Variants in ABITRAM observed in about 807,000 individuals in gnomAD.
ABITRAM encodes the protein protein Abitram.
Under a neutral mutation model 22.9 loss-of-function variants are expected in ABITRAM, and 19 were observed. The ratio of observed to expected loss-of-function variants is 0.83; its 90% CI spans 0.58 to 1.22. The LOEUF (loss-of-function observed/expected upper bound fraction) is 1.22. Ranked by LOEUF, ABITRAM falls within the 50% of genes most tolerant of loss-of-function variation. The pLI is 0.00. For synonymous variants in ABITRAM, 70 were observed against 73.9 expected, an observed-to-expected ratio of 0.95 and a Z score of 0.27; for missense variants, 215 against 220.2, an observed-to-expected ratio of 0.98 and a Z score of 0.15.
At chr9:108,944,286 A>G (rs909103427), downstream of ABITRAM, among the ~76,000 whole-genome samples, 4 of 152,154 alleles carry the variant, frequency 2.6e-5, no homozygotes, top group Admixed American at 2.6e-4. Context: ...GGTCACACAG[A>G]CCTGTGATAT....
intron 3 of ABITRAM, among the ~76,000 whole-genome samples, 171 bp downstream of exon 3, chr9:108,936,608 T>G (rs1830190677): frequency 6.6e-6 from 1 of 152,180 alleles, no homozygotes; most frequent in Admixed American, 6.5e-5. Flanking sequence ...CTCCCCCAAA[T>G]TAGGTATCTC....
In ABITRAM at chr9:108,937,914, C is replaced by T. The variant is rs143037403; in HGVS notation, c.262-1282C>T. On this transcript the variant is annotated intron_variant, in intron 3 of 5. Coordinates refer to ENST00000322940, the MANE Select transcript of ABITRAM (RefSeq NM_017832.4). ...CCAGGAGGCTGAGGTAAGAGGATTGCTTGAGCACAGGAGTCAAGGCTGCAG... is the reference window on the plus strand; with the variant it reads ...CCAGGAGGCTGAGGTAAGAGGATTGTTTGAGCACAGGAGTCAAGGCTGCAG... Among the ~76,000 whole-genome samples the T allele has an allele frequency of 3.1e-3, 469 of 150,376 alleles. 1 individual carries two copies. Among genetic ancestry groups the T allele is most frequent in the Non-Finnish European group, 5.9e-3 (400 of 67,810 alleles).
Position 108,939,228 on chromosome 9 carries a change from CTG to C in ABITRAM, c.296_297del (p.Cys99Ter), listed in dbSNP as rs1375527388. 1.9e-6 allele frequency: 3 copies of C among 1,613,986 alleles called. No individual in the cohort carries two copies. The highest frequency in any genetic ancestry group is 2.2e-5 in the South Asian group (2 of 91,054). On this transcript the variant is annotated frameshift_variant, in exon 4 of 6. Coordinates refer to ENST00000322940, the MANE Select transcript of ABITRAM (RefSeq NM_017832.4). LOFTEE classifies it high-confidence loss of function. Reference protein sequence around the residue: ...AQFLTELAPLCKIYCSDGEEY... With the variant: ...AQFLTELAPLXKIYCSDGEEY... ...AGTTTCTAACAGAGCTTGCACCTCT[CTG>C]TAAGATTTACTGCTCAGATGGTGAA...
Position 108,934,533 on chromosome 9 carries a change from T to TGGATCGATACTTCACTCGC in ABITRAM, c.48_66dup (p.Trp23GlyfsTer18). ...GCGGAGCCGGTGGTGCCTTCGCTCG[T>TGGATCGATACTTCACTCGC]GGATCGATACTTCACTCGCTGGTAC... On this transcript the variant is annotated frameshift_variant, in exon 1 of 6. Transcript: ENST00000322940. LOFTEE classifies it high-confidence loss of function. The TGGATCGATACTTCACTCGC allele has an allele frequency of 6.2e-7, 1 of 1,607,108 alleles. No individual in the cohort carries two copies. The highest frequency in any genetic ancestry group is 8.5e-7 in the Non-Finnish European group (1 of 1,177,636).
rs1194723132 is a variant in ABITRAM at position 108,940,950 on chromosome 9, C to G, written c.*1264C>G. On this transcript the variant is annotated 3_prime_UTR_variant, in exon 6 of 6. Transcript: ENST00000322940. ...TTTTTAAATAAAATATACTTTTATA[C>G]AGAAGAAATCATTCGATGTATTAAT... 3.9e-5 allele frequency: 6 copies of G among 152,082 alleles called. No individual in the cohort carries two copies. Among genetic ancestry groups the G allele is most frequent in the Non-Finnish European group, 8.8e-5 (6 of 67,984 alleles). 9.4% of individuals were successfully genotyped at this position (152,082 alleles called of 1,614,324 possible).
At chr9:108,942,414 T>C (rs1830269342), downstream of ABITRAM, among the ~76,000 whole-genome samples, 1 of 152,218 alleles carries the variant, frequency 6.6e-6, no homozygotes. Context: ...GTGATCTAGA[T>C]GATAAAGAAA....
downstream of ABITRAM, among the ~76,000 whole-genome samples, chr9:108,943,440 A>G (rs1830305898): frequency 6.6e-6 from 1 of 152,208 alleles, no homozygotes; most frequent in South Asian, 2.1e-4. Flanking sequence ...CCTGTGTCCT[A>G]GTTGCAGAGG....
At chr9:108,938,326 T>C (rs1393552048) in intron 3 of ABITRAM, among the ~76,000 whole-genome samples, 1 of 152,082 alleles carries the variant, frequency 6.6e-6, no homozygotes, top group Non-Finnish European at 1.5e-5. Context: ...TTTTGAGTGG[T>C]AAATAAAGGG....
At chr9:108,936,664 A>G (rs1830191496) in intron 3 of ABITRAM, among the ~76,000 whole-genome samples, 1 of 152,186 alleles carries the variant, frequency 6.6e-6, no homozygotes, top group African/African-American at 2.4e-5. Flanking sequence ...TACTATCCCT[A>G]TAATGCCCAG....
chr9:108,940,807 A>C lies in ABITRAM; in HGVS notation c.*1121A>C, dbSNP rs567547111. On this transcript the variant is annotated 3_prime_UTR_variant, in exon 6 of 6. Coordinates refer to ENST00000322940, the MANE Select transcript of ABITRAM (RefSeq NM_017832.4). The stretch of plus-strand genomic sequence containing the variant: ...TTTCACATCATTTAAAGTAAAAAAA[A>C]ACCTCCAACAACTGTGAATTTATAG... 6.6e-6 allele frequency: 1 copy of C among 152,268 alleles called. No homozygotes were observed. The highest frequency in any genetic ancestry group is 2.4e-5 in the African/African-American group (1 of 41,560). The allele number at this position is 152,268 out of a possible 1,614,324, so 9.4% of individuals were successfully genotyped here.
chr9:108,943,816 G>A, downstream of ABITRAM: 1 of 1,612,630 alleles, frequency 6.2e-7, no homozygotes, highest in Non-Finnish European at 8.5e-7. Context: ...TCGTCTTTCA[G>A]CTGAAATGTA....
chr9:108,943,783 C>T (rs1418425781), downstream of ABITRAM: 1 of 1,613,724 alleles, frequency 6.2e-7, no homozygotes, highest in Non-Finnish European at 8.5e-7. Flanking sequence ...TTGTTTATTT[C>T]CAGGAGAAGC....
At position 108,934,430 on chromosome 9, in the gene ABITRAM, TGC is replaced by T; in HGVS notation, c.-53_-52del. The stretch of plus-strand genomic sequence containing the variant: ...CCGGAAGAGCACGCCCAGTCCGGGC[TGC>T]GCGGAGGAAGCGCTGGGGTCCCGGA... On this transcript the variant is annotated 5_prime_UTR_variant, in exon 1 of 6. Transcript: ENST00000322940. 6.8e-7 allele frequency: 1 copy of T among 1,477,286 alleles called. No homozygotes were observed. Among genetic ancestry groups the T allele is most frequent in the Non-Finnish European group, 9.1e-7 (1 of 1,096,800 alleles). The allele number at this position is 1,477,286 out of a possible 1,614,324, so 91.5% of individuals were successfully genotyped here.
chr9:108,949,990 C>G (rs578003654), intron 3 of ABITRAM, among the ~76,000 whole-genome samples: 5 of 149,072 alleles, frequency 3.4e-5, no homozygotes, highest in Non-Finnish European at 7.4e-5. Flanking sequence ...TGCCACTGCA[C>G]TCCAGCCTGG....
intron 3 of ABITRAM, among the ~76,000 whole-genome samples, chr9:108,936,761 C>G (rs962430717): frequency 6.6e-6 from 1 of 151,722 alleles, no homozygotes; most frequent in Non-Finnish European, 1.5e-5. Flanking sequence ...TTGTATTAAA[C>G]TAGTATGTCG....
intron 3 of ABITRAM, among the ~76,000 whole-genome samples, chr9:108,948,981 C>T (rs1830480854): frequency 6.6e-6 from 1 of 151,726 alleles, no homozygotes; most frequent in South Asian, 2.1e-4. Flanking sequence ...GCAAAAACCA[C>T]ATTAAAAACA....
Position 108,947,943 on chromosome 9 carries a change from C to T in ABITRAM, c.262-2564C>T, listed in dbSNP as rs77830017. 2.7e-3 allele frequency among the ~76,000 whole-genome samples: 414 copies of T among 152,262 alleles called. 3 individuals carry two copies. The highest frequency in any genetic ancestry group is 9.4e-3 in the African/African-American group (390 of 41,542). The stretch of plus-strand genomic sequence containing the variant: ...AGCTTATTATTGCATCTATTGACTA[C>T]CAACAAAGCCCATTCTACTTTATGC... On this transcript the variant is annotated intron_variant, in intron 3 of 3. Coordinates refer to the ABITRAM transcript ENST00000374624.
chr9:108,943,241 T>C (rs1797155271), downstream of ABITRAM, among the ~76,000 whole-genome samples: 1 of 152,206 alleles, frequency 6.6e-6, no homozygotes, highest in African/African-American at 2.4e-5. Flanking sequence ...ATTTCATGTC[T>C]ATCTCATGGA....
downstream of ABITRAM, among the ~76,000 whole-genome samples, chr9:108,944,416 A>G (rs1830336576): frequency 6.6e-6 from 1 of 152,190 alleles, no homozygotes; most frequent in African/African-American, 2.4e-5. Context: ...GACCTTCCCA[A>G]TTCCATCTAG....
Sources: gnomAD v4.1 joint callset for allele counts (sites outside exome capture counted in the v4.1 genomes callset) on GRCh38, gnomAD v4.1.1 for gene constraint, MANE v1.5 for transcripts, NCBI Gene and HGNC (gene_info 2026-07-23, HGNC 2026-07-21) for gene names.